The following NFX1 variants were observed in gnomAD, a reference collection of about 807,000 sequenced individuals.
NFX1 encodes the protein transcriptional repressor NF-X1.
NFX1 carries 69 observed loss-of-function variants against 137.2 expected under a neutral mutation model. That is an observed-to-expected ratio of 0.50 (90% CI 0.41 to 0.61). The LOEUF (loss-of-function observed/expected upper bound fraction) is 0.61. Among genes scored for constraint, NFX1 ranks in the 20% least tolerant of loss-of-function variants. The pLI, the probability that NFX1 is intolerant of heterozygous loss-of-function variation, is 0.00. For missense variants in NFX1, 1,167 were observed against 1,391.0 expected, an observed-to-expected ratio of 0.84 and a Z score of 2.56; for synonymous variants, 495 against 474.1, an observed-to-expected ratio of 1.04 and a Z score of -0.57.
At position 33,294,688 on chromosome 9, in the gene NFX1, C is replaced by A; in HGVS notation, c.294C>A (p.Ser98Arg). The change falls in exon 2 of 24, where the codon AGC (serine) becomes AGA (arginine). Residue 98 changes from serine to arginine, a missense_variant. Physicochemically the swap from Ser to Arg is moderately radical, Grantham distance 110. This residue lies in a region of NFX1 where 367 missense variants were observed against 386.7 expected (regional missense o/e 0.95). Transcript: ENST00000379540. ...QSSPCNKSPK[S>R]HGLQNQPWQK... ...CTCCTTGTAATAAATCGCCCAAGAG[C>A]CATGGCCTTCAGAATCAACCTTGGC... is the stretch of plus-strand genomic sequence containing the variant. 6.2e-7 allele frequency: 1 copy of A among 1,614,132 alleles called. No homozygotes were observed. The highest frequency in any genetic ancestry group is 1.1e-5 in the South Asian group (1 of 91,078).
At chr9:33,347,663 C>T in intron 15 of NFX1, 1 of 412,638 alleles carries the variant, frequency 2.4e-6, no homozygotes, top group African/African-American at 2.1e-5. Context: ...TTTGATCCAG[C>T]AGTCCCACTA....
chr9:33,330,757 T>G (rs1436245841), intron 10 of NFX1, among the ~76,000 whole-genome samples: 2 of 152,130 alleles, frequency 1.3e-5, no homozygotes, highest in Non-Finnish European at 2.9e-5. Flanking sequence ...TGGCAGTGAG[T>G]GTATTCTTGA....
At chr9:33,298,038 A>G (rs998761286) in intron 2 of NFX1, among the ~76,000 whole-genome samples, 7 of 152,228 alleles carry the variant, frequency 4.6e-5, no homozygotes, top group African/African-American at 1.4e-4. Context: ...CATAAATACT[A>G]TATACCAAGC....
At chr9:33,325,007 C>T (rs1822528269) in intron 9 of NFX1, among the ~76,000 whole-genome samples, 1 of 151,626 alleles carries the variant, frequency 6.6e-6, no homozygotes, top group Non-Finnish European at 1.5e-5. Flanking sequence ...AACAAAGCCT[C>T]AGAAATGTGG....
At chr9:33,316,413 C>G (rs551121521) in intron 7 of NFX1, among the ~76,000 whole-genome samples, 1 of 151,944 alleles carries the variant, frequency 6.6e-6, no homozygotes, top group Non-Finnish European at 1.5e-5. Flanking sequence ...CACCACCATG[C>G]CTGGCTTCAG....
rs77804000 is a variant in NFX1, at chr9:33,360,596, C to A, written c.2874-3414C>A. ...AAAAATGCAAATTTAAAGAAAAGTC[C>A]ATCTAAAGTTATATCTATATATACA... On this transcript the variant is annotated intron_variant, in intron 19 of 23. Coordinates refer to ENST00000379540, the MANE Select transcript of NFX1 (RefSeq NM_002504.6). Among the ~76,000 whole-genome samples, 312 of 152,196 alleles carry A rather than the reference C, an allele frequency of 2.0e-3. 8 individuals are homozygous for A. In the East Asian group the frequency reaches 0.057, roughly 28 times the overall value.
At chr9:33,344,674 T>C (rs1468435300) in intron 14 of NFX1, among the ~76,000 whole-genome samples, 1 of 151,428 alleles carries the variant, frequency 6.6e-6, no homozygotes, top group African/African-American at 2.4e-5. Flanking sequence ...GAGACCATCC[T>C]GCCCAACATG....
At chr9:33,314,300 G>C (rs905917492) in intron 7 of NFX1, among the ~76,000 whole-genome samples, 3 of 151,764 alleles carry the variant, frequency 2.0e-5, no homozygotes, top group Non-Finnish European at 4.4e-5. Flanking sequence ...AATTTAAATA[G>C]TAGATTTTAA....
chr9:33,292,707 G>A (rs186075116), intron 1 of NFX1, among the ~76,000 whole-genome samples: 242 of 152,220 alleles, frequency 1.6e-3, no homozygotes, highest in Non-Finnish European at 1.8e-3. Context: ...CTGTATATGA[G>A]TACATGCAGC....
At chr9:33,333,694 A>G (rs1016201382) in intron 11 of NFX1, among the ~76,000 whole-genome samples, 5 of 152,244 alleles carry the variant, frequency 3.3e-5, no homozygotes, top group Admixed American at 3.3e-4. Flanking sequence ...TGAGGAGCAC[A>G]CTGGCTCCCA....
At chr9:33,303,840 C>T (rs1452704593) in intron 4 of NFX1, among the ~76,000 whole-genome samples, 2 of 151,946 alleles carry the variant, frequency 1.3e-5, no homozygotes, top group Non-Finnish European at 1.5e-5. Context: ...GTTTTTTTTC[C>T]TTTCCTGCCT....
Position 33,342,001 on chromosome 9 carries a change from A to C in NFX1, c.2116-745A>C, listed in dbSNP as rs2118571418. ...CATTGTTGTGGGCACCTGTAATCCC[A>C]GCTACTCAGGAGGCTGAGGTAGGAG... On this transcript the variant is annotated intron_variant, in intron 12 of 23. Coordinates refer to ENST00000379540, the MANE Select transcript of NFX1 (RefSeq NM_002504.6). 2.0e-5 allele frequency among the ~76,000 whole-genome samples: 3 copies of C among 151,972 alleles called. No individual in the cohort carries two copies. The South Asian group carries it at 6.3e-4, about 32-fold the overall frequency.
chr9:33,291,944 G>C (rs950799157), intron 1 of NFX1, among the ~76,000 whole-genome samples: 6 of 152,170 alleles, frequency 3.9e-5, no homozygotes, highest in Non-Finnish European at 8.8e-5. Flanking sequence ...GTGTACCCTA[G>C]TCTTGATGTG....
At chr9:33,328,009 G>A (rs930377228) in intron 9 of NFX1, among the ~76,000 whole-genome samples, 1 of 152,018 alleles carries the variant, frequency 6.6e-6, no homozygotes, top group African/African-American at 2.4e-5. Context: ...GATTTATTCT[G>A]TGTTTTTGTT....
chr9:33,368,815 A>T (rs1473365475), intron 23 of NFX1, among the ~76,000 whole-genome samples: 6 of 152,184 alleles, frequency 3.9e-5, no homozygotes, highest in Non-Finnish European at 7.3e-5. Flanking sequence ...GTGGGACTGG[A>T]CAAGAAGACA....
chr9:33,367,619 A>T lies in NFX1; in HGVS notation c.3290A>T (p.Lys1097Met), dbSNP rs1038455084. 3 of 1,613,410 alleles carry T rather than the reference A, an allele frequency of 1.9e-6. No individual in the cohort carries two copies. Among genetic ancestry groups the T allele is most frequent in the Non-Finnish European group, 2.5e-6 (3 of 1,179,514 alleles). ...PIPHHRHQSD[K>M]NPGSSNLQKI... ...CCTCATCACAGACATCAGTCAGACAAGTAAGATTCTCCAGCTGCTTTCCAA... is the reference window on the plus strand; with the variant it reads ...CCTCATCACAGACATCAGTCAGACATGTAAGATTCTCCAGCTGCTTTCCAA... Residue 1097 changes from lysine to methionine, a missense_variant and splice_region_variant, in exon 23 of 24, where the codon AAG becomes ATG. Around this residue, in one of 3 missense-constraint regions of NFX1, gnomAD observed 312 missense variants for 312.8 expected, o/e 1.00. Transcript: ENST00000379540.
chr9:33,338,637 G>C, intron 12 of NFX1, 48 bp downstream of exon 12: 1 of 1,485,668 alleles, frequency 6.7e-7, no homozygotes, highest in Non-Finnish European at 9.1e-7. Flanking sequence ...TCCAGGTGCT[G>C]GGCTTCTGGA....
intron 2 of NFX1, among the ~76,000 whole-genome samples, 192 bp from the exon 3 acceptor site, chr9:33,301,071 T>C (rs908284058): frequency 6.6e-6 from 1 of 152,200 alleles, no homozygotes; most frequent in Non-Finnish European, 1.5e-5. Flanking sequence ...TAAATCCTCT[T>C]CCTCAGCAAA....
At chr9:33,319,447 A>C (rs1045655549) in intron 9 of NFX1, among the ~76,000 whole-genome samples, 1 of 152,218 alleles carries the variant, frequency 6.6e-6, no homozygotes, top group African/African-American at 2.4e-5. Flanking sequence ...ATACCAATCC[A>C]GGGTTCAGCA....
Sources: gnomAD v4.1 joint callset for allele counts (sites outside exome capture counted in the v4.1 genomes callset) on GRCh38, gnomAD v4.1.1 for gene constraint, gnomAD v4.1.1 regional missense constraint, MANE v1.5 for transcripts, NCBI Gene and HGNC (gene_info 2026-07-23, HGNC 2026-07-21) for gene names.